The following CHST12 variants were observed in gnomAD, a reference collection of about 807,000 sequenced individuals.
CHST12 encodes carbohydrate sulfotransferase 12.
A neutral mutation model predicts 27.9 loss-of-function variants in CHST12; 23 were observed. The ratio of observed to expected loss-of-function variants is 0.82; its 90% CI spans 0.59 to 1.17. The LOEUF is 1.17. Ranked by LOEUF, CHST12 falls within the 50% of genes most tolerant of loss-of-function variation. The probability of loss-of-function intolerance (pLI) is 0.00; values close to 1 mark genes in which losing one functional copy is unlikely to be tolerated. For missense variants in CHST12, 682 were observed against 603.0 expected (o/e 1.13, Z -1.37); for synonymous variants, 322 against 273.0 (o/e 1.18, Z -1.77).
intron 1 of CHST12, among the ~76,000 whole-genome samples, chr7:2,418,554 A>G (rs1781871920): frequency 6.6e-6 from 1 of 152,150 alleles, no homozygotes; most frequent in Non-Finnish European, 1.5e-5. Context: ...TGCATTTGGA[A>G]ATCATGTCCT....
chr7:2,421,582 G>C (rs1365584941), intron 1 of CHST12, among the ~76,000 whole-genome samples: 1 of 151,844 alleles, frequency 6.6e-6, no homozygotes, highest in African/African-American at 2.4e-5. Context: ...GATTACAAGT[G>C]TACACCACCA....
chr7:2,414,099 C>G (rs1781741372), intron 1 of CHST12, among the ~76,000 whole-genome samples: 1 of 151,976 alleles, frequency 6.6e-6, no homozygotes, highest in Non-Finnish European at 1.5e-5. Context: ...TGCTTTCTGA[C>G]TATTTGTATC....
Position 2,433,235 on chromosome 7 carries a change from C to T in CHST12, c.596C>T (p.Pro199Leu), listed in dbSNP as rs768032590. The T allele has an allele frequency of 4.3e-6, 7 of 1,611,736 alleles. No individual in the cohort carries two copies. The East Asian group carries it at 1.1e-4, about 26-fold the overall frequency. Residue 199 changes from proline (P) to leucine (L), a missense_variant, in exon 2 of 2, where the codon CCG becomes CTG. Transcript: ENST00000618655. This position sits in a 1 kb window ranked among gnomAD's most constrained non-coding sequence, Gnocchi z 6.1. ...LLHRGAPYRD[P>L]LRIPREHVHN... ...CACCGCGGTGCGCCCTACCGCGACC[C>T]GCTGCGCATCCCGCGCGAGCACGTG... is the stretch of plus-strand genomic sequence containing the variant.
At chr7:2,422,866 C>A (rs577996271) in intron 1 of CHST12, among the ~76,000 whole-genome samples, 3 of 136,920 alleles carry the variant, frequency 2.2e-5, no homozygotes, top group Non-Finnish European at 4.7e-5. Context: ...TTCAGAAAAC[C>A]TTTTTTTTTT....
At chr7:2,428,335 C>T (rs951286046) in intron 1 of CHST12, among the ~76,000 whole-genome samples, 1 of 152,010 alleles carries the variant, frequency 6.6e-6, no homozygotes, top group Non-Finnish European at 1.5e-5. Flanking sequence ...TCTGGGATTA[C>T]AGGCGTCCAC....
chr7:2,414,309 G>A (rs1475026720), intron 1 of CHST12, among the ~76,000 whole-genome samples: 1 of 151,208 alleles, frequency 6.6e-6, no homozygotes, highest in South Asian at 2.1e-4. Context: ...CTGAGACAGA[G>A]TTTTGGTCTT....
At chr7:2,420,745 A>G (rs1781952242) in intron 1 of CHST12, among the ~76,000 whole-genome samples, 1 of 152,214 alleles carries the variant, frequency 6.6e-6, no homozygotes, top group Non-Finnish European at 1.5e-5. Flanking sequence ...TGATGGCACC[A>G]CTGCACCCCA....
Position 2,433,932 on chromosome 7 carries a change from GC to G in CHST12, c.*49del. On this transcript the variant is annotated 3_prime_UTR_variant, in exon 2 of 2. Transcript: ENST00000618655. The surrounding 1 kb of genome is among the most constrained non-coding windows in gnomAD (Gnocchi z 6.1). ...CGCGTGCCTGGAACCTGACGCACGCGCACTCCAGTTTTTTTATGACCTACGA... is the reference window on the plus strand; with the variant it reads ...CGCGTGCCTGGAACCTGACGCACGCGACTCCAGTTTTTTTATGACCTACGA... The G allele has an allele frequency of 1.3e-6, 2 of 1,503,316 alleles. No homozygotes were observed. Among genetic ancestry groups the G allele is most frequent in the Non-Finnish European group, 1.8e-6 (2 of 1,119,672 alleles). 93.1% of individuals were successfully genotyped at this position (1,503,316 alleles called of 1,614,324 possible). A position where few individuals can be genotyped will look rare whatever the true frequency, so the allele number is the denominator to read the frequency against.
intron 1 of CHST12, among the ~76,000 whole-genome samples, chr7:2,422,275 C>G (rs147023126): frequency 0.014 from 2,175 of 151,858 alleles, 47 homozygotes; most frequent in African/African-American, 0.041. Context: ...AGGGAGTTTC[C>G]CTCTTGTGGC....
intron 1 of CHST12, among the ~76,000 whole-genome samples, chr7:2,418,092 C>G (rs1201574829): frequency 1.3e-5 from 2 of 152,238 alleles, no homozygotes; most frequent in Non-Finnish European, 2.9e-5. Flanking sequence ...TTTTCTTTCT[C>G]TAGTGTTTTG....
In CHST12 at chr7:2,433,654, G is replaced by A; in HGVS notation, c.1015G>A (p.Val339Met). 3 of 1,613,700 alleles carry A rather than the reference G, an allele frequency of 1.9e-6. No homozygotes were observed. The highest frequency in any genetic ancestry group is 2.5e-6 in the Non-Finnish European group (3 of 1,179,912). ...CHPCQIDYDF[V>M]GKLETLDEDA... ...CCCGTGCCAGATCGACTACGACTTC[G>A]TGGGGAAGCTGGAGACTCTGGACGA... is the stretch of plus-strand genomic sequence containing the variant. The change falls in exon 2 of 2, where the codon GTG (valine) becomes ATG (methionine). Residue 339 changes from valine to methionine, a missense_variant. Coordinates refer to ENST00000618655, the MANE Select transcript of CHST12 (RefSeq NM_018641.5). The surrounding 1 kb of genome is among the most constrained non-coding windows in gnomAD (Gnocchi z 6.1).
chr7:2,413,463 T>C (rs1024379574), intron 1 of CHST12, among the ~76,000 whole-genome samples: 3 of 152,212 alleles, frequency 2.0e-5, no homozygotes, highest in African/African-American at 7.2e-5. Context: ...GCCAAACATA[T>C]TCACCTTGTA....
At chr7:2,416,886 C>A (rs1393058224) in intron 1 of CHST12, among the ~76,000 whole-genome samples, 2 of 152,104 alleles carry the variant, frequency 1.3e-5, no homozygotes, top group African/African-American at 4.8e-5. Context: ...TACGCCTTCT[C>A]CGCACAGTAA....
chr7:2,434,908 C>A lies in CHST12; in HGVS notation c.*1024C>A, dbSNP rs946606134. On this transcript the variant is annotated 3_prime_UTR_variant, in exon 2 of 2. Transcript: ENST00000618655. The stretch of plus-strand genomic sequence containing the variant: ...TTCAAGACCAGCTTGGGCAACATAG[C>A]AAGGACCTCATCTCTACAAAAAATA... 1 of 151,864 alleles carries A rather than the reference C, an allele frequency of 6.6e-6. No homozygotes were observed. The highest frequency in any genetic ancestry group is 1.5e-5 in the Non-Finnish European group (1 of 68,048). 9.4% of individuals were successfully genotyped at this position (151,864 alleles called of 1,614,324 possible). A position where few individuals can be genotyped will look rare whatever the true frequency, so the allele number is the denominator to read the frequency against.
rs1398617966 is a variant in CHST12, at chr7:2,447,841, C to G, written c.*13957C>G. ...AACAAAGTTAAGAAATAAAGAATGG[C>G]TATTCCATAGGGAGAGCAGCCTGAA... is the stretch of plus-strand genomic sequence containing the variant. On this transcript the variant is annotated 3_prime_UTR_variant, in exon 2 of 2. Transcript: ENST00000618655. 6.6e-6 allele frequency: 1 copy of G among 151,402 alleles called. No homozygotes were observed. Among genetic ancestry groups the G allele is most frequent in the African/African-American group, 2.4e-5 (1 of 41,166 alleles). 9.4% of individuals were successfully genotyped at this position (151,402 alleles called of 1,614,324 possible).
intron 1 of CHST12, among the ~76,000 whole-genome samples, chr7:2,411,988 G>A (rs2115391486): frequency 6.6e-6 from 1 of 152,318 alleles, no homozygotes; most frequent in South Asian, 2.1e-4. Context: ...CCTGGGAAGG[G>A]CCAACAGAGG....
chr7:2,427,026 A>G (rs375425089), intron 1 of CHST12, among the ~76,000 whole-genome samples: 4 of 149,656 alleles, frequency 2.7e-5, no homozygotes, highest in African/African-American at 9.9e-5. Context: ...AGACATATAA[A>G]TGAAAAAGTA....
chr7:2,432,484 AG>A lies in CHST12; in HGVS notation c.-77-78del, dbSNP rs550679591. On this transcript the variant is annotated intron_variant, in intron 1 of 1. Coordinates refer to ENST00000618655, the MANE Select transcript of CHST12 (RefSeq NM_018641.5). ...CAGCGCTCCTGCTCCTCCGGACCCC[AG>A]TCCCCCACTGATCAGAAGGCAGGAG... 1.3e-4 allele frequency: 109 copies of A among 869,262 alleles called. No individual in the cohort carries two copies. The African/African-American group carries it at 1.7e-3, about 14-fold the overall frequency. 53.8% of individuals were successfully genotyped at this position (869,262 alleles called of 1,614,324 possible). A position where few individuals can be genotyped will look rare whatever the true frequency, so the allele number is the denominator to read the frequency against.
At chr7:2,412,695 CCAA>C in intron 1 of CHST12, among the ~76,000 whole-genome samples, 1 of 152,300 alleles carries the variant, frequency 6.6e-6, no homozygotes, top group East Asian at 1.9e-4. Context: ...GGGGGGCTCT[CCAA>C]CAACAGCCTG....
Sources: gnomAD v4.1 joint callset for allele counts (sites outside exome capture counted in the v4.1 genomes callset) on GRCh38, gnomAD v4.1.1 for gene constraint, Gnocchi (gnomAD v3.1) non-coding constraint, MANE v1.5 for transcripts, NCBI Gene and HGNC (gene_info 2026-07-23, HGNC 2026-07-21) for gene names.